Variants in RPS6KA5 observed in about 807,000 individuals in gnomAD.
The protein encoded by RPS6KA5 is ribosomal protein S6 kinase alpha-5.
A neutral mutation model predicts 85.5 loss-of-function variants in RPS6KA5; 27 were observed. The observed-to-expected ratio is 0.32, with a 90% CI of 0.23 to 0.44. The LOEUF (loss-of-function observed/expected upper bound fraction) is 0.44, where lower values mean the gene tolerates loss of function less well. RPS6KA5 is among the 20% of genes least tolerant of loss of function. The probability of loss-of-function intolerance (pLI) is 1.00; values close to 1 mark genes in which losing one functional copy is unlikely to be tolerated. For synonymous variants in RPS6KA5, 334 were observed against 348.2 expected (o/e 0.96, Z 0.46); for missense variants, 811 against 980.9 (o/e 0.83, Z 2.31).
chr14:90,932,289 A>C (rs1364185785), intron 5 of RPS6KA5, among the ~76,000 whole-genome samples: 1 of 151,954 alleles, frequency 6.6e-6, no homozygotes, highest in Non-Finnish European at 1.5e-5. Context: ...ATGCTCGGCT[A>C]ATTTTTTTAT....
At chr14:90,970,830 G>A (rs948502948) in intron 3 of RPS6KA5, among the ~76,000 whole-genome samples, 3 of 150,744 alleles carry the variant, frequency 2.0e-5, no homozygotes, top group African/African-American at 7.3e-5. Flanking sequence ...AAAAGTAAAA[G>A]AAATATAAAG....
At chr14:91,053,635 A>G (rs558054326) in intron 1 of RPS6KA5, among the ~76,000 whole-genome samples, 22 of 152,364 alleles carry the variant, frequency 1.4e-4, no homozygotes, top group African/African-American at 5.0e-4. Context: ...TTAGAAATAA[A>G]TTTAACAAAA....
At chr14:90,934,225 G>A (rs1830521237) in intron 5 of RPS6KA5, among the ~76,000 whole-genome samples, 1 of 152,076 alleles carries the variant, frequency 6.6e-6, no homozygotes, top group South Asian at 2.1e-4. Context: ...GACATTCAAT[G>A]AATATTCACT....
intron 2 of RPS6KA5, among the ~76,000 whole-genome samples, chr14:90,981,422 T>A (rs374442209): frequency 1.4e-4 from 22 of 152,216 alleles, no homozygotes; most frequent in African/African-American, 4.6e-4. Flanking sequence ...AATATTTTTT[T>A]CTTTGATTTC....
intron 14 of RPS6KA5, among the ~76,000 whole-genome samples, chr14:90,878,355 C>T (rs981525642): frequency 6.6e-6 from 1 of 152,168 alleles, no homozygotes; most frequent in African/African-American, 2.4e-5. Flanking sequence ...GAACTTGTGT[C>T]ACATGTGTTC....
At chr14:90,891,050 A>C (rs1316763960) in intron 13 of RPS6KA5, among the ~76,000 whole-genome samples, 1 of 151,926 alleles carries the variant, frequency 6.6e-6, no homozygotes, top group Non-Finnish European at 1.5e-5. Context: ...TAAAACGTTT[A>C]ATATTTTTTC....
chr14:90,902,855 T>C lies in RPS6KA5; in HGVS notation c.1072A>G (p.Thr358Ala). 1 of 1,614,078 alleles carries C rather than the reference T, an allele frequency of 6.2e-7. No individual in the cohort carries two copies. Among genetic ancestry groups the C allele is most frequent in the Non-Finnish European group, 8.5e-7 (1 of 1,179,972 alleles). ...TGGGGCAGGGCTGCGGGAGAATAAG[T>C]GGGATCCATTTCTGTGAACTCTTCT... ...FAEEFTEMDP[T>A]YSPAALPQSS... Residue 358 changes from threonine (T) to alanine (A), a missense_variant, in exon 9 of 17, where the codon ACT becomes GCT. Thr to Ala is a moderately conservative substitution (Grantham distance 58). Around this residue, in one of 3 missense-constraint regions of RPS6KA5, gnomAD observed 650 missense variants for 793.4 expected, o/e 0.82. Coordinates refer to ENST00000614987, the MANE Select transcript of RPS6KA5 (RefSeq NM_004755.4).
At chr14:90,887,690 C>T (rs2034312855) in intron 14 of RPS6KA5, among the ~76,000 whole-genome samples, 1 of 151,728 alleles carries the variant, frequency 6.6e-6, no homozygotes, top group African/African-American at 2.4e-5. Flanking sequence ...GGCACTGTGG[C>T]TCATGCCTGT....
At chr14:90,985,451 T>C (rs1225968657) in intron 2 of RPS6KA5, among the ~76,000 whole-genome samples, 2 of 152,242 alleles carry the variant, frequency 1.3e-5, no homozygotes, top group Non-Finnish European at 2.9e-5. Context: ...TCCTTCCTTG[T>C]TGTGCTCAAC....
intron 1 of RPS6KA5, among the ~76,000 whole-genome samples, chr14:91,059,341 A>C (rs1340938284): frequency 4.0e-5 from 3 of 75,420 alleles, no homozygotes; most frequent in Non-Finnish European, 9.4e-5. Flanking sequence ...ACTCTGTCTG[A>C]AAAAAAAAAA....
rs2033283419 is a variant in RPS6KA5 at position 90,873,870 on chromosome 14, T to A, written c.1997-75A>T. The A allele has an allele frequency of 4.7e-6, 6 of 1,274,904 alleles. No individual in the cohort carries two copies. In the Admixed American group the frequency reaches 9.0e-5, roughly 19 times the overall value. 79.0% of individuals were successfully genotyped at this position (1,274,904 alleles called of 1,614,324 possible). A position where few individuals can be genotyped will look rare whatever the true frequency, so the allele number is the denominator to read the frequency against. ...TTAAAAACAAACTCAGAAATAAATC[T>A]CAGCTATGTTCACATGACATAATGG... On this transcript the variant is annotated intron_variant, in intron 15 of 16. Coordinates refer to ENST00000614987, the MANE Select transcript of RPS6KA5 (RefSeq NM_004755.4).
At chr14:91,034,360 C>T (rs1231904892) in intron 1 of RPS6KA5, among the ~76,000 whole-genome samples, 3 of 151,622 alleles carry the variant, frequency 2.0e-5, no homozygotes, top group African/African-American at 7.3e-5. Flanking sequence ...TTATTCATAG[C>T]TGTCTGAGGT....
intron 1 of RPS6KA5, among the ~76,000 whole-genome samples, chr14:91,022,200 T>C (rs187136151): frequency 6.6e-6 from 1 of 152,212 alleles, no homozygotes; most frequent in East Asian, 1.9e-4. Flanking sequence ...ACTATTTGAA[T>C]GTGAAACTGA....
intron 5 of RPS6KA5, among the ~76,000 whole-genome samples, chr14:90,933,286 C>A (rs1287745616): frequency 6.6e-6 from 1 of 152,134 alleles, no homozygotes; most frequent in African/African-American, 2.4e-5. Flanking sequence ...AACATCTCTG[C>A]TGTGTGTCTA....
At chr14:90,875,629 A>C (rs1199652371) in intron 14 of RPS6KA5, among the ~76,000 whole-genome samples, 1 of 152,024 alleles carries the variant, frequency 6.6e-6, no homozygotes, top group African/African-American at 2.4e-5. Context: ...ACTATTCACA[A>C]TAGCAAAGAC....
At chr14:91,022,033 G>A (rs541916229) in intron 1 of RPS6KA5, among the ~76,000 whole-genome samples, 35 of 152,168 alleles carry the variant, frequency 2.3e-4, no homozygotes, top group Non-Finnish European at 4.3e-4. Flanking sequence ...TGCATATTTA[G>A]GTCATTTTAT....
chr14:90,937,678 A>C (rs930495118), intron 5 of RPS6KA5, among the ~76,000 whole-genome samples: 1 of 152,182 alleles, frequency 6.6e-6, no homozygotes, highest in Non-Finnish European at 1.5e-5. Context: ...GAAAGGAGGA[A>C]CAAGTCACAT....
intron 2 of RPS6KA5, among the ~76,000 whole-genome samples, chr14:90,983,849 T>C (rs547629199): frequency 5.8e-4 from 80 of 138,428 alleles, no homozygotes; most frequent in African/African-American, 7.9e-4. Context: ...CTTTCTTTTT[T>C]TCTTTCTTTC....
intron 14 of RPS6KA5, among the ~76,000 whole-genome samples, chr14:90,886,059 T>C (rs2034205353): frequency 6.6e-6 from 1 of 151,992 alleles, no homozygotes; most frequent in Admixed American, 6.5e-5. Context: ...TAGCAAGGTA[T>C]AGCTCTATCT....
Sources: allele counts gnomAD v4.1 joint callset (sites outside exome capture counted in the v4.1 genomes callset), GRCh38; gene constraint gnomAD v4.1.1; regional missense constraint gnomAD v4.1.1; transcripts MANE v1.5; gene names NCBI Gene and HGNC (gene_info 2026-07-23, HGNC 2026-07-21).